The following ATP13A4 variants were observed in gnomAD, a reference collection of about 807,000 sequenced individuals.
ATP13A4 encodes probable cation-transporting ATPase 13A4.
A neutral mutation model predicts 142.5 loss-of-function variants in ATP13A4; 114 were observed. The ratio of observed to expected loss-of-function variants is 0.80; its 90% CI spans 0.69 to 0.93. The LOEUF (loss-of-function observed/expected upper bound fraction) is 0.93. Ranked by LOEUF, ATP13A4 falls within the 40% of genes least tolerant of loss-of-function variation. The pLI, the probability that ATP13A4 is intolerant of heterozygous loss-of-function variation, is 0.00. For synonymous variants in ATP13A4, 488 were observed against 514.8 expected (o/e 0.95, Z 0.70); for missense variants, 1,392 against 1,454.0 (o/e 0.96, Z 0.69).
Position 193,440,574 on chromosome 3 carries a change from C to A in ATP13A4, c.2503G>T (p.Glu835Ter). The change falls in exon 21 of 30, where the codon GAA (glutamate) becomes TAA (stop). Residue 835 changes from glutamate (E) to a stop codon, truncating the protein, a stop_gained. Transcript: ENST00000342695. LOFTEE classifies it high-confidence loss of function. ...SPGQKSSLVEEFQKLDYFVGM... is the reference protein window; with the variant it reads ...SPGQKSSLVE ...AGAACCTACTCCAGTTTCTGAAATT[C>A]TTCCACCAGACTGGACTTCTGCCCA... The A allele has an allele frequency of 6.2e-7, 1 of 1,614,038 alleles. No homozygotes were observed.
At chr3:193,462,973 C>G in intron 12 of ATP13A4, 150 bp from the exon 13 acceptor site, 1 of 711,576 alleles carries the variant, frequency 1.4e-6, no homozygotes. Context: ...AATGAAACCA[C>G]CTCCCTATTT....
intron 17 of ATP13A4, 142 bp from the exon 18 acceptor site, chr3:193,448,472 ATTAT>A: frequency 2.8e-6 from 3 of 1,054,586 alleles, no homozygotes; most frequent in Non-Finnish European, 4.2e-6. Flanking sequence ...AGTAACTGGG[ATTAT>A]AGGTGCCCAC....
intron 2 of ATP13A4, among the ~76,000 whole-genome samples, chr3:193,574,131 C>T (rs1370682732): frequency 2.6e-5 from 4 of 152,128 alleles, no homozygotes; most frequent in South Asian, 2.1e-4. Context: ...TTCTTTTTAA[C>T]TAATTTTCCA....
At position 193,400,373 on chromosome 3, in the gene ATP13A4, C is replaced by T. The variant is rs1282664849; in HGVS notation, c.*2279G>A. Among the ~76,000 whole-genome samples the T allele has an allele frequency of 1.3e-5, 2 of 152,214 alleles. No individual in the cohort carries two copies. Among genetic ancestry groups the T allele is most frequent in the African/African-American group, 4.8e-5 (2 of 41,462 alleles). On this transcript the variant is annotated 3_prime_UTR_variant, in exon 30 of 30. Coordinates refer to ENST00000342695, the MANE Select transcript of ATP13A4 (RefSeq NM_032279.4). ...GTGATAGAATCACTTAGGATCAAGGCAAGAGCAACTCAAAGTCTCAGAAAG... is the reference window on the plus strand; with the variant it reads ...GTGATAGAATCACTTAGGATCAAGGTAAGAGCAACTCAAAGTCTCAGAAAG...
chr3:193,441,028 T>A (rs1716607196), intron 20 of ATP13A4, among the ~76,000 whole-genome samples: 1 of 152,000 alleles, frequency 6.6e-6, no homozygotes, highest in African/African-American at 2.4e-5. Flanking sequence ...TATATATATA[T>A]ATCTAAAACT....
intron 12 of ATP13A4, among the ~76,000 whole-genome samples, chr3:193,463,424 TAAAAA>T (rs11336311): frequency 3.1e-5 from 3 of 95,978 alleles, no homozygotes; most frequent in Non-Finnish European, 6.3e-5. Context: ...TGCTATTTGG[TAAAAA>T]AAAAAAAAAA....
intron 1 of ATP13A4, among the ~76,000 whole-genome samples, chr3:193,591,054 T>G (rs1452457821): frequency 2.6e-5 from 4 of 152,278 alleles, no homozygotes; most frequent in African/African-American, 9.6e-5. Flanking sequence ...TGGCAACAAA[T>G]GTAGCATTTT....
At chr3:193,430,517 T>C (rs1002294539) in intron 25 of ATP13A4, among the ~76,000 whole-genome samples, 3 of 151,936 alleles carry the variant, frequency 2.0e-5, no homozygotes, top group African/African-American at 7.3e-5. Context: ...TAAAGCAGGG[T>C]TGTGTGATAG....
intron 13 of ATP13A4, among the ~76,000 whole-genome samples, chr3:193,461,356 A>T (rs1249745901): frequency 1.3e-5 from 2 of 152,266 alleles, no homozygotes; most frequent in Admixed American, 1.3e-4. Context: ...AAATAAGAAC[A>T]AGACTGCTCT....
chr3:193,482,902 A>G (rs1253290527), intron 8 of ATP13A4, among the ~76,000 whole-genome samples: 3 of 152,226 alleles, frequency 2.0e-5, no homozygotes, highest in Non-Finnish European at 4.4e-5. Flanking sequence ...GTATTTTCCC[A>G]TAAGAAATGA....
At chr3:193,552,847 C>T (rs1444111125) in intron 1 of ATP13A4, among the ~76,000 whole-genome samples, 1 of 152,200 alleles carries the variant, frequency 6.6e-6, no homozygotes, top group African/African-American at 2.4e-5. Context: ...ACAGCATCTA[C>T]CTCATAGGGT....
In ATP13A4 at chr3:193,485,772, G is replaced by A. The variant is rs141680238; in HGVS notation, c.739-1767C>T. Among the ~76,000 whole-genome samples, 23 of 152,066 alleles carry A rather than the reference G, an allele frequency of 1.5e-4. No individual in the cohort carries two copies. In the South Asian group the frequency reaches 2.1e-3, roughly 14 times the overall value. On this transcript the variant is annotated intron_variant, in intron 7 of 29. Transcript: ENST00000342695. ...CTTATAGAAGAGACCCAGGAGAGAC[G>A]CCTTGTCTCTTTCACCATGTGAGGA...
intron 23 of ATP13A4, among the ~76,000 whole-genome samples, chr3:193,437,940 T>C (rs1226966207): frequency 2.0e-5 from 3 of 148,978 alleles, no homozygotes; most frequent in Non-Finnish European, 4.4e-5. Context: ...CACACCATTC[T>C]CCTGCCTCAG....
chr3:193,421,900 A>G (rs941100751), intron 25 of ATP13A4, among the ~76,000 whole-genome samples: 5 of 149,888 alleles, frequency 3.3e-5, no homozygotes, highest in African/African-American at 4.9e-5. Flanking sequence ...CTACAAAACA[A>G]CCATCAAATA....
At chr3:193,539,073 A>G (rs553002642) in intron 1 of ATP13A4, among the ~76,000 whole-genome samples, 11 of 152,084 alleles carry the variant, frequency 7.2e-5, no homozygotes, top group African/African-American at 2.4e-4. Context: ...GGGTTTCTGC[A>G]TGTTGGTCAG....
At chr3:193,584,497 C>G (rs988900275) in intron 1 of ATP13A4, among the ~76,000 whole-genome samples, 7 of 152,126 alleles carry the variant, frequency 4.6e-5, no homozygotes, top group African/African-American at 1.7e-4. Flanking sequence ...GAAACGAATA[C>G]CAGCTGAAAT....
chr3:193,457,140 C>A lies in ATP13A4; in HGVS notation c.1775G>T (p.Gly592Val). 6.2e-7 allele frequency: 1 copy of A among 1,613,066 alleles called. No homozygotes were observed. Among genetic ancestry groups the A allele is most frequent in the Non-Finnish European group, 8.5e-7 (1 of 1,180,038 alleles). ...CRTASQVPVE[G>V]IAILHQFPFS... ...TGGGAACTGATGCAGGATTGCAATT[C>A]CTTCCACTGGGACCTGGTTGAGGGA... The change falls in exon 16 of 30, where the codon GGA becomes GTA. Residue 592 changes from glycine (G) to valine (V), a missense_variant. Coordinates refer to ENST00000342695, the MANE Select transcript of ATP13A4 (RefSeq NM_032279.4).
chr3:193,484,214 T>A (rs555981505), intron 7 of ATP13A4, among the ~76,000 whole-genome samples: 18 of 152,154 alleles, frequency 1.2e-4, no homozygotes, highest in African/African-American at 4.1e-4. Context: ...AAGTATGTTT[T>A]CTTCAGCAGA....
intron 24 of ATP13A4, among the ~76,000 whole-genome samples, chr3:193,434,882 C>A (rs570200662): frequency 6.6e-6 from 1 of 152,204 alleles, no homozygotes; most frequent in Non-Finnish European, 1.5e-5. Context: ...TTCAGGGAAC[C>A]AGTGGCATGC....
Sources: gnomAD v4.1 joint callset for allele counts (sites outside exome capture counted in the v4.1 genomes callset) on GRCh38, gnomAD v4.1.1 for gene constraint, MANE v1.5 for transcripts, NCBI Gene and HGNC (gene_info 2026-07-23, HGNC 2026-07-21) for gene names.